NXPE4: variants seen among roughly 807,000 people sequenced by gnomAD.
The protein encoded by NXPE4 is neurexophilin and PC-esterase domain family member 4.
NXPE4 carries 42 observed loss-of-function variants against 33.3 expected under a neutral mutation model. That is an observed-to-expected ratio of 1.26 (90% CI 0.98 to 1.63). NXPE4 has a LOEUF of 1.63. NXPE4 is among the 40% of genes most tolerant of loss of function. The pLI is 0.00. For missense variants in NXPE4, 709 were observed against 647.6 expected (o/e 1.09, Z -1.03); for synonymous variants, 253 against 234.9 (o/e 1.08, Z -0.71).
the NXPE4 span, among the ~76,000 whole-genome samples, chr11:114,601,109 T>A: frequency 6.6e-6 from 1 of 151,918 alleles, no homozygotes; most frequent in Non-Finnish European, 1.5e-5. Flanking sequence ...TATATTTAAA[T>A]AACTTTAGGG....
chr11:114,576,676 C>CA (rs1383388714), intron 5 of NXPE4, among the ~76,000 whole-genome samples: 5 of 150,892 alleles, frequency 3.3e-5, no homozygotes, highest in African/African-American at 7.3e-5. Flanking sequence ...AGGCCATATT[C>CA]AAAAAAAATC....
At chr11:114,626,053 C>T in the NXPE4 span, among the ~76,000 whole-genome samples, 2 of 152,338 alleles carry the variant, frequency 1.3e-5, no homozygotes, top group South Asian at 2.1e-4. Flanking sequence ...TGATTGCTAG[C>T]ACAGCAGTCT....
At chr11:114,622,475 T>A in the NXPE4 span, among the ~76,000 whole-genome samples, 1 of 152,138 alleles carries the variant, frequency 6.6e-6, no homozygotes, top group Non-Finnish European at 1.5e-5. Flanking sequence ...AAGTATTGCC[T>A]CATGGATAAC....
At chr11:114,628,406 G>A in the NXPE4 span, among the ~76,000 whole-genome samples, 2 of 152,182 alleles carry the variant, frequency 1.3e-5, no homozygotes, top group Admixed American at 1.3e-4. Context: ...TGAACAACCT[G>A]CTTCTGAATG....
At chr11:114,665,095 A>C in the NXPE4 span, among the ~76,000 whole-genome samples, 1 of 152,164 alleles carries the variant, frequency 6.6e-6, no homozygotes, top group Non-Finnish European at 1.5e-5. Context: ...CCATTTATCA[A>C]ACAAAATGTG....
the NXPE4 span, among the ~76,000 whole-genome samples, chr11:114,670,488 G>T: frequency 6.6e-6 from 1 of 151,898 alleles, no homozygotes; most frequent in Non-Finnish European, 1.5e-5. Context: ...GAGGCTAGGA[G>T]TTGGAAATCA....
At chr11:114,612,203 T>G in the NXPE4 span, among the ~76,000 whole-genome samples, 5 of 151,896 alleles carry the variant, frequency 3.3e-5, no homozygotes, top group African/African-American at 1.2e-4. Context: ...TGTTACACGG[T>G]GGAGAATAAG....
At chr11:114,634,540 T>C in the NXPE4 span, among the ~76,000 whole-genome samples, 1 of 152,200 alleles carries the variant, frequency 6.6e-6, no homozygotes, top group African/African-American at 2.4e-5. Context: ...TCCTTGCCCA[T>C]GCCTATGTCC....
the NXPE4 span, among the ~76,000 whole-genome samples, chr11:114,635,007 A>G: frequency 1.3e-5 from 2 of 151,942 alleles, no homozygotes; most frequent in Non-Finnish European, 2.9e-5. Flanking sequence ...GAAGAAAGTC[A>G]TTGGTAGCTT....
chr11:114,625,293 A>G, the NXPE4 span, among the ~76,000 whole-genome samples: 13,977 of 152,178 alleles, frequency 0.092, 761 homozygotes, highest in Middle Eastern at 0.2. Flanking sequence ...ATGCGTAACC[A>G]CAGTTACCCA....
chr11:114,609,909 T>A, the NXPE4 span, among the ~76,000 whole-genome samples: 2 of 146,558 alleles, frequency 1.4e-5, no homozygotes, highest in African/African-American at 2.5e-5. Context: ...CCTGGGTAAC[T>A]ACCATTAACC....
the NXPE4 span, among the ~76,000 whole-genome samples, chr11:114,602,212 AAT>A: frequency 6.8e-4 from 73 of 107,718 alleles, no homozygotes; most frequent in African/African-American, 2.7e-3. Context: ...TACTATATAC[AAT>A]ATATGTTATA....
At chr11:114,659,408 G>C in the NXPE4 span, among the ~76,000 whole-genome samples, 2 of 146,766 alleles carry the variant, frequency 1.4e-5, no homozygotes, top group African/African-American at 4.9e-5. Context: ...TGTGAGGATA[G>C]GTCAATGAAA....
the NXPE4 span, among the ~76,000 whole-genome samples, chr11:114,650,372 G>A: frequency 1.3e-5 from 2 of 152,208 alleles, no homozygotes; most frequent in Non-Finnish European, 2.9e-5. Context: ...TCACCCATGA[G>A]CTCTTCCCTA....
At position 114,594,745 on chromosome 11, in the gene NXPE4, C is replaced by T. The variant is rs567763914; in HGVS notation, c.15G>A (p.Met5Ile). The T allele has an allele frequency of 1.9e-6, 3 of 1,554,300 alleles. No homozygotes were observed. In the South Asian group the frequency reaches 3.4e-5, roughly 18 times the overall value. Reference protein sequence around the residue: MKISMINYKSLLALL... With the variant: MKISIINYKSLLALL... The stretch of plus-strand genomic sequence containing the variant: ...GTGCCAATAGTGACTTATAATTTAT[C>T]ATACTTATTTTCATGATTAGGATCC... The change falls in exon 2 of 6, where the codon ATG (methionine) becomes ATA (isoleucine). Residue 5 changes from methionine (M) to isoleucine (I), a missense_variant. Coordinates refer to ENST00000375478, the MANE Select transcript of NXPE4 (RefSeq NM_001077639.2).
chr11:114,614,088 GGTTTATAA>G, the NXPE4 span, among the ~76,000 whole-genome samples: 1 of 147,382 alleles, frequency 6.8e-6, no homozygotes, highest in South Asian at 2.2e-4. Flanking sequence ...ACTGATACCT[GGTTTATAA>G]TAAGTGTTGC....
chr11:114,651,391 C>G, the NXPE4 span, among the ~76,000 whole-genome samples: 1 of 152,012 alleles, frequency 6.6e-6, no homozygotes, highest in African/African-American at 2.4e-5. Context: ...CTCGTGGTCT[C>G]GCTGGCTTCA....
the NXPE4 span, among the ~76,000 whole-genome samples, chr11:114,625,872 G>A: frequency 1.3e-5 from 2 of 152,156 alleles, no homozygotes; most frequent in Non-Finnish European, 2.9e-5. Context: ...GGAAGCGCAA[G>A]GGGTCAGGGA....
chr11:114,628,853 C>A, the NXPE4 span, among the ~76,000 whole-genome samples: 5 of 151,730 alleles, frequency 3.3e-5, no homozygotes, highest in East Asian at 5.8e-4. Flanking sequence ...ACCACCGATC[C>A]CACAGAAATA....
Sources: allele counts gnomAD v4.1 joint callset (sites outside exome capture counted in the v4.1 genomes callset), GRCh38; gene constraint gnomAD v4.1.1; transcripts MANE v1.5; gene names NCBI Gene and HGNC (gene_info 2026-07-23, HGNC 2026-07-21).